The following COX20 variants were observed in gnomAD, a reference collection of about 807,000 sequenced individuals.
COX20 encodes the protein cytochrome c oxidase assembly protein COX20, mitochondrial.
COX20 carries 14 observed loss-of-function variants against 14.3 expected under a neutral mutation model. The ratio of observed to expected loss-of-function variants is 0.98; its 90% CI spans 0.65 to 1.53. The LOEUF (loss-of-function observed/expected upper bound fraction) is 1.53, where lower values mean the gene tolerates loss of function less well. Among genes scored for constraint, COX20 ranks in the 40% most tolerant of loss-of-function variants. COX20 has a pLI of 0.00. For missense variants in COX20, 149 were observed against 142.1 expected (o/e 1.05, Z -0.25); for synonymous variants, 56 against 51.7 (o/e 1.08, Z -0.36).
intron 1 of COX20, among the ~76,000 whole-genome samples, chr1:244,836,301 C>T (rs1301434659): frequency 6.6e-6 from 1 of 152,192 alleles, no homozygotes; most frequent in African/African-American, 2.4e-5. Context: ...TCCGCTGGCC[C>T]TTTCCAGCCT....
chr1:244,836,263 ACT>A (rs1290469204), intron 1 of COX20, among the ~76,000 whole-genome samples: 1 of 151,920 alleles, frequency 6.6e-6, no homozygotes, highest in Non-Finnish European at 1.5e-5. Flanking sequence ...CTGTCTCCAT[ACT>A]CTCCTGAATC....
At chr1:244,841,555 G>C (rs1459733314) in intron 1 of COX20, 1 of 162,018 alleles carries the variant, frequency 6.2e-6, no homozygotes, top group Non-Finnish European at 1.4e-5. Flanking sequence ...TTCCATTTCT[G>C]CTTCCCAAAT....
chr1:244,843,251 CTCAA>C lies in COX20; in HGVS notation c.*80_*83del, dbSNP rs1680288497. 5 of 1,431,262 alleles carry C rather than the reference CTCAA, an allele frequency of 3.5e-6. No homozygotes were observed. The highest frequency in any genetic ancestry group is 5.1e-5 in the Admixed American group (2 of 39,288). 88.7% of individuals were successfully genotyped at this position (1,431,262 alleles called of 1,614,324 possible). A position where few individuals can be genotyped will look rare whatever the true frequency, so the allele number is the denominator to read the frequency against. On this transcript the variant is annotated 3_prime_UTR_variant, in exon 4 of 4. Coordinates refer to ENST00000411948, the MANE Select transcript of COX20 (RefSeq NM_198076.6). The stretch of plus-strand genomic sequence containing the variant: ...TAAAACATTTCATGTGCAATAAGCT[CTCAA>C]TCAAGTAAATAAAGTTTAAGTTGTA...
chr1:244,836,557 CCTT>C, intron 1 of COX20: 1 of 1,524,088 alleles, frequency 6.6e-7, no homozygotes, highest in Non-Finnish European at 8.9e-7. Context: ...TTCCTGGGCT[CCTT>C]ATTAAGAGCA....
chr1:244,839,427 G>T (rs1332452876), intron 1 of COX20, among the ~76,000 whole-genome samples: 1 of 152,130 alleles, frequency 6.6e-6, no homozygotes, highest in Non-Finnish European at 1.5e-5. Flanking sequence ...CTTAAAAAAT[G>T]TCTGACATTT....
chr1:244,841,783 G>C lies in COX20; in HGVS notation c.43-161G>C, dbSNP rs12058012. Reference sequence around the variant, plus strand: ...TAAAGATTCAGACTGCATACCAAAGGTGGACAAAGACAACGCAAGCTGATT... The same window carrying C: ...TAAAGATTCAGACTGCATACCAAAGCTGGACAAAGACAACGCAAGCTGATT... On this transcript the variant is annotated intron_variant, in intron 1 of 3. Coordinates refer to ENST00000411948, the MANE Select transcript of COX20 (RefSeq NM_198076.6). The C allele has an allele frequency of 0.13, 75,784 of 570,148 alleles. 5,769 individuals carry two copies. Among genetic ancestry groups the C allele is most frequent in the Middle Eastern group, 0.29 (632 of 2,168 alleles). 35.3% of individuals were successfully genotyped at this position (570,148 alleles called of 1,614,324 possible).
In COX20 at chr1:244,836,252, CCT is replaced by C. The variant is rs1188089650; in HGVS notation, c.42+497_42+498del. Among the ~76,000 whole-genome samples, 8 of 152,282 alleles carry C rather than the reference CCT, an allele frequency of 5.3e-5. No homozygotes were observed. In the East Asian group the frequency reaches 1.5e-3, roughly 29 times the overall value. ...ACCAGTAGCCTCCCTAGCTGGTGTC[CCT>C]GTCTCCATACTCTCCTGAATCCACC... On this transcript the variant is annotated intron_variant, in intron 1 of 3. Transcript: ENST00000411948.
rs1363027966 is a variant in COX20, at chr1:244,843,289, T to C, written c.*113T>C. ...ATAAAGTTTAAGTTGTAGTCATTTT[T>C]TTCCCACACTTGTGTGGAATGAAAA... On this transcript the variant is annotated 3_prime_UTR_variant, in exon 4 of 4. Coordinates refer to ENST00000411948, the MANE Select transcript of COX20 (RefSeq NM_198076.6). 3.2e-5 allele frequency: 41 copies of C among 1,275,970 alleles called. No homozygotes were observed. Among genetic ancestry groups the C allele is most frequent in the Non-Finnish European group, 4.4e-5 (41 of 925,066 alleles). The allele number at this position is 1,275,970 out of a possible 1,614,324, so 79.0% of individuals were successfully genotyped here.
chr1:244,839,937 T>C (rs1353310776), intron 1 of COX20: 2 of 152,142 alleles, frequency 1.3e-5, no homozygotes, highest in African/African-American at 4.8e-5. Context: ...GGCTAGAGAA[T>C]TAAAAAACAT....
At chr1:244,841,916 C>A in intron 1 of COX20, 28 bp from the exon 2 acceptor site, 1 of 1,356,344 alleles carries the variant, frequency 7.4e-7, no homozygotes. Flanking sequence ...CTTTCTTACT[C>A]AATCTAGGTT....
chr1:244,841,876 AT>A, intron 1 of COX20, 67 bp from the exon 2 acceptor site: 1 of 947,818 alleles, frequency 1.1e-6, no homozygotes, highest in Non-Finnish European at 1.7e-6. Context: ...GTGTATTGTC[AT>A]TTTTGCCAAA....
chr1:244,839,728 T>G (rs10927333), intron 1 of COX20: 34,592 of 152,058 alleles, frequency 0.23, 5,081 homozygotes, highest in African/African-American at 0.41. Flanking sequence ...GTACTGAATC[T>G]TATTACTCCT....
At position 244,842,242 on chromosome 1, in the gene COX20, G is replaced by A. The variant is rs185166083; in HGVS notation, c.205G>A (p.Val69Met). The change falls in exon 3 of 4, where the codon GTG becomes ATG. Residue 69 changes from valine to methionine, a missense_variant. Transcript: ENST00000411948. ...TGTTGGAGTAGGAGGGTTTATCTTG[G>A]TGACTTTGGGATGCTGGTATGTTTG... ...CDVGVGGFIL[V>M]TLGCWFHCRY... The A allele has an allele frequency of 2.4e-4, 390 of 1,607,772 alleles. No individual in the cohort carries two copies. Among genetic ancestry groups the A allele is most frequent in the Non-Finnish European group, 3.2e-4 (376 of 1,174,568 alleles).
chr1:244,836,881 C>T (rs1401130507), intron 1 of COX20, among the ~76,000 whole-genome samples: 3 of 151,898 alleles, frequency 2.0e-5, no homozygotes, highest in East Asian at 1.9e-4. Flanking sequence ...TAATATCCAA[C>T]AGGTTGTCAG....
chr1:244,836,903 C>T (rs1680006457), intron 1 of COX20, among the ~76,000 whole-genome samples: 1 of 151,826 alleles, frequency 6.6e-6, no homozygotes, highest in Non-Finnish European at 1.5e-5. Flanking sequence ...TTACGTACTA[C>T]TGGTGCCTTA....
At chr1:244,841,743 T>C in intron 1 of COX20, 1 of 506,808 alleles carries the variant, frequency 2.0e-6, no homozygotes, top group Non-Finnish European at 3.5e-6. Context: ...GTCCAATTTG[T>C]AAGGTTTTCG....
intron 1 of COX20, among the ~76,000 whole-genome samples, chr1:244,838,832 G>T (rs1680083642): frequency 6.6e-6 from 1 of 151,810 alleles, no homozygotes; most frequent in Non-Finnish European, 1.5e-5. Flanking sequence ...TTGCTCTGTT[G>T]CCCAGGCTGG....
intron 1 of COX20, among the ~76,000 whole-genome samples, 191 bp downstream of exon 1, chr1:244,835,947 C>T (rs1679966250): frequency 6.6e-6 from 1 of 152,122 alleles, no homozygotes; most frequent in African/African-American, 2.4e-5. Context: ...ACAAAATTGA[C>T]CAAAACTAGG....
chr1:244,840,718 A>C (rs921270172), intron 1 of COX20: 11 of 152,254 alleles, frequency 7.2e-5, no homozygotes, highest in African/African-American at 2.4e-4. Context: ...CCAAAAAAGC[A>C]AACATAGGCA....
Sources: gnomAD v4.1 joint callset for allele counts (sites outside exome capture counted in the v4.1 genomes callset) on GRCh38, gnomAD v4.1.1 for gene constraint, MANE v1.5 for transcripts, NCBI Gene and HGNC (gene_info 2026-07-23, HGNC 2026-07-21) for gene names.